NRG1: variants seen among roughly 807,000 people sequenced by gnomAD.
NRG1 encodes pro-neuregulin-1, membrane-bound isoform.
In NRG1, 18 loss-of-function variants were observed where a neutral mutation model predicts 63.8. The ratio of observed to expected loss-of-function variants is 0.28; its 90% CI spans 0.19 to 0.42. NRG1 has a LOEUF of 0.42. NRG1 is among the 10% of genes least tolerant of loss of function. NRG1 has a pLI of 1.00. For synonymous variants in NRG1, 302 were observed against 301.3 expected, an observed-to-expected ratio of 1.00 and a Z score of -0.02; for missense variants, 762 against 814.7, an observed-to-expected ratio of 0.94 and a Z score of 0.79.
intron 1 of NRG1, among the ~76,000 whole-genome samples, chr8:32,521,393 T>C (rs1830329644): frequency 6.6e-6 from 1 of 152,144 alleles, no homozygotes; most frequent in Non-Finnish European, 1.5e-5. Context: ...AAAATTAAGG[T>C]AATCAAGGGT....
intron 1 of NRG1, among the ~76,000 whole-genome samples, chr8:32,235,057 A>G (rs1004608407): frequency 6.6e-6 from 1 of 151,992 alleles, no homozygotes; most frequent in Non-Finnish European, 1.5e-5. Flanking sequence ...TCAAAGTCAG[A>G]CAAAGAAGGA....
At chr8:31,734,523 A>G (rs558839042) in intron 1 of NRG1, among the ~76,000 whole-genome samples, 41 of 152,304 alleles carry the variant, frequency 2.7e-4, no homozygotes, top group African/African-American at 9.4e-4. Context: ...GAATTAGATA[A>G]CTGATTTCTT....
At chr8:32,518,482 T>C (rs1222960070) in intron 1 of NRG1, among the ~76,000 whole-genome samples, 1 of 152,162 alleles carries the variant, frequency 6.6e-6, no homozygotes, top group African/African-American at 2.4e-5. Flanking sequence ...GGAATGAGGC[T>C]TGGAGTTCCC....
intron 5 of NRG1, among the ~76,000 whole-genome samples, chr8:32,619,515 G>A (rs1399046692): frequency 2.0e-5 from 3 of 152,148 alleles, no homozygotes; most frequent in Admixed American, 2.0e-4. Flanking sequence ...GTAGAATCCA[G>A]GATCCCAGTT....
chr8:32,383,941 A>G (rs1346053468), intron 1 of NRG1, among the ~76,000 whole-genome samples: 1 of 152,158 alleles, frequency 6.6e-6, no homozygotes, highest in African/African-American at 2.4e-5. Context: ...GTGAGTTATA[A>G]ACTGTAAATG....
At chr8:31,883,789 A>G (rs1377568064) in intron 1 of NRG1, among the ~76,000 whole-genome samples, 1 of 152,096 alleles carries the variant, frequency 6.6e-6, no homozygotes, top group African/African-American at 2.4e-5. Context: ...ATGATGTAAA[A>G]GAATCCCAGC....
chr8:32,550,003 G>T (rs1326437088), intron 1 of NRG1, among the ~76,000 whole-genome samples: 1 of 152,212 alleles, frequency 6.6e-6, no homozygotes, highest in African/African-American at 2.4e-5. Context: ...TACTGTAGAA[G>T]TATTTGTCCC....
At chr8:32,172,920 G>C (rs1411739487) in intron 1 of NRG1, among the ~76,000 whole-genome samples, 4 of 152,198 alleles carry the variant, frequency 2.6e-5, no homozygotes, top group Non-Finnish European at 2.9e-5. Context: ...CACTCTGCAG[G>C]ATATTATCCA....
At chr8:31,869,811 C>T (rs1242031552) in intron 1 of NRG1, among the ~76,000 whole-genome samples, 2 of 152,160 alleles carry the variant, frequency 1.3e-5, no homozygotes, top group Non-Finnish European at 1.5e-5. Context: ...GGTTTGAAAT[C>T]TAAATGCCTT....
chr8:32,542,303 CTTATT>C (rs748056033), intron 1 of NRG1, among the ~76,000 whole-genome samples: 1 of 152,110 alleles, frequency 6.6e-6, no homozygotes, highest in Non-Finnish European at 1.5e-5. Context: ...CATGGAAAGG[CTTATT>C]TTAACAGAAG....
intron 1 of NRG1, among the ~76,000 whole-genome samples, chr8:32,031,865 T>C (rs1173471084): frequency 6.6e-6 from 1 of 152,204 alleles, no homozygotes; most frequent in East Asian, 1.9e-4. Context: ...CTATCATTGA[T>C]GGGCATTTGG....
At chr8:32,102,838 C>T (rs2131371198) in intron 1 of NRG1, among the ~76,000 whole-genome samples, 1 of 152,030 alleles carries the variant, frequency 6.6e-6, no homozygotes, top group South Asian at 2.1e-4. Flanking sequence ...TCCATGCTCA[C>T]TGGAACTTCA....
intron 1 of NRG1, among the ~76,000 whole-genome samples, chr8:32,370,350 A>G (rs1208378520): frequency 6.6e-6 from 1 of 152,218 alleles, no homozygotes; most frequent in Non-Finnish European, 1.5e-5. Context: ...TCCAAGTAAT[A>G]TTGGTAGCAA....
chr8:31,947,733 CAA>C (rs1444505596), intron 1 of NRG1, among the ~76,000 whole-genome samples: 2 of 151,972 alleles, frequency 1.3e-5, no homozygotes, highest in Non-Finnish European at 2.9e-5. Context: ...CGTCTGAGCT[CAA>C]GAGTTCAAGA....
rs1039747568 is a variant in NRG1 at position 31,733,822 on chromosome 8, A to G, written c.37+94391A>G. Among the ~76,000 whole-genome samples, 6 of 152,280 alleles carry G rather than the reference A, an allele frequency of 3.9e-5. No homozygotes were observed. In the South Asian group the frequency reaches 6.2e-4, roughly 16 times the overall value. On this transcript the variant is annotated intron_variant, in intron 1 of 10. Coordinates refer to the NRG1 transcript ENST00000519301. ...CCCCCGCCCACATGACTCTGCTGTC[A>G]GCTTTCCAAACAATGAGAGGACAGC...
chr8:32,760,867 A>G, intron 11 of NRG1: 1 of 1,000,856 alleles, frequency 1.0e-6, no homozygotes, highest in Non-Finnish European at 1.2e-6. Flanking sequence ...AGCCTCAGTT[A>G]AGTCAAATCA....
rs184501714 is a variant in NRG1 at position 31,801,494 on chromosome 8, A to C, written c.37+162063A>C. ...CGCTGTAACATAATCCATTTTTAAG[A>C]AGCAGAGCATTTTCTTGACAGAGTT... On this transcript the variant is annotated intron_variant, in intron 1 of 10. Coordinates refer to the NRG1 transcript ENST00000519301. Among the ~76,000 whole-genome samples, 406 of 152,284 alleles carry C rather than the reference A, an allele frequency of 2.7e-3. 3 individuals carry two copies. Among genetic ancestry groups the C allele is most frequent in the Middle Eastern group, 0.017 (5 of 294 alleles).
chr8:32,522,781 AC>A (rs1158292459), intron 1 of NRG1, among the ~76,000 whole-genome samples: 2 of 148,664 alleles, frequency 1.3e-5, no homozygotes, highest in East Asian at 3.9e-4. Context: ...CAAACTTAAT[AC>A]TTTGTTGAGT....
At chr8:32,285,031 A>G (rs1853364992) in intron 1 of NRG1, among the ~76,000 whole-genome samples, 3 of 152,300 alleles carry the variant, frequency 2.0e-5, no homozygotes, top group Admixed American at 1.3e-4. Flanking sequence ...TTGCAATTAA[A>G]TTAGAAAAAC....
Sources: allele counts gnomAD v4.1 joint callset (sites outside exome capture counted in the v4.1 genomes callset), GRCh38; gene constraint gnomAD v4.1.1; transcripts MANE v1.5; gene names NCBI Gene and HGNC (gene_info 2026-07-23, HGNC 2026-07-21).